The following EPB41L4A variants were observed in gnomAD, a reference collection of about 807,000 sequenced individuals.
EPB41L4A encodes the protein erythrocyte membrane protein band 4.1 like 4A.
Under a neutral mutation model 108.6 loss-of-function variants are expected in EPB41L4A, and 100 were observed. The observed-to-expected ratio is 0.92, with a 90% CI of 0.78 to 1.09. EPB41L4A has a LOEUF of 1.09. Among genes scored for constraint, EPB41L4A ranks in the 50% least tolerant of loss-of-function variants. The pLI is 0.00. For synonymous variants in EPB41L4A, 319 were observed against 289.0 expected (o/e 1.10, Z -1.05); for missense variants, 1,030 against 842.7 (o/e 1.22, Z -2.75).
chr5:112,285,886 T>C lies in EPB41L4A; in HGVS notation c.205-5563A>G, dbSNP rs116671306. 5.8e-3 allele frequency among the ~76,000 whole-genome samples: 885 copies of C among 152,310 alleles called. 2 individuals are homozygous for C. Among genetic ancestry groups the C allele is most frequent in the Middle Eastern group, 0.014 (4 of 294 alleles). On this transcript the variant is annotated intron_variant, in intron 2 of 22. Coordinates refer to ENST00000261486, the MANE Select transcript of EPB41L4A (RefSeq NM_022140.5). ...CTCTTAATAACTCTAGGAAGAACTA[T>C]TATAATTACCATTTTATAAATGAGG...
intron 18 of EPB41L4A, among the ~76,000 whole-genome samples, chr5:112,174,441 A>T (rs534423458): frequency 6.6e-6 from 1 of 152,358 alleles, no homozygotes; most frequent in South Asian, 2.1e-4. Flanking sequence ...TACGACATAT[A>T]TAGAAAATAA....
chr5:112,167,123 CAAAAAAA>C (rs10642511), intron 22 of EPB41L4A, among the ~76,000 whole-genome samples: 10 of 110,576 alleles, frequency 9.0e-5, no homozygotes, highest in African/African-American at 3.4e-4. Context: ...AAATTTAAGA[CAAAAAAA>C]AAAAAAAAAA....
chr5:112,150,193 C>T (rs1759412558), intron 12 of EPB41L4A, among the ~76,000 whole-genome samples: 1 of 151,940 alleles, frequency 6.6e-6, no homozygotes, highest in African/African-American at 2.4e-5. Flanking sequence ...AAGTACTCAG[C>T]AAAAACAAAC....
intron 1 of EPB41L4A, among the ~76,000 whole-genome samples, chr5:112,353,726 G>A (rs1758197919): frequency 6.6e-6 from 1 of 152,300 alleles, no homozygotes; most frequent in East Asian, 1.9e-4. Context: ...TATAGGCTGT[G>A]GTGGGTGGAG....
At chr5:112,316,428 G>A (rs993348371) in intron 1 of EPB41L4A, among the ~76,000 whole-genome samples, 6 of 152,002 alleles carry the variant, frequency 3.9e-5, no homozygotes, top group Admixed American at 6.6e-5. Context: ...AGGCCATTAC[G>A]ATAAGGCAAA....
rs139515955 is a variant in EPB41L4A at position 112,324,844 on chromosome 5, T to G, written c.100-17354A>C. ...CAAAAGAGTAAATAATAATAAAGTA[T>G]AATAAACAGTAAATTAAAAACAAAT... On this transcript the variant is annotated intron_variant, in intron 1 of 22. Transcript: ENST00000261486. 2.3e-4 allele frequency among the ~76,000 whole-genome samples: 35 copies of G among 151,264 alleles called. No homozygotes were observed. In the East Asian group the frequency reaches 5.4e-3, roughly 23 times the overall value.
chr5:112,321,906 G>A (rs1755807577), intron 1 of EPB41L4A, among the ~76,000 whole-genome samples: 1 of 152,118 alleles, frequency 6.6e-6, no homozygotes, highest in Admixed American at 6.5e-5. Flanking sequence ...CTTTAAACCT[G>A]TGTAATTTTT....
At chr5:112,344,301 T>C (rs1386501911) in intron 1 of EPB41L4A, among the ~76,000 whole-genome samples, 1 of 152,210 alleles carries the variant, frequency 6.6e-6, no homozygotes, top group Non-Finnish European at 1.5e-5. Flanking sequence ...TCAAGTCCTG[T>C]CCTTACAGAA....
intron 1 of EPB41L4A, among the ~76,000 whole-genome samples, chr5:112,379,100 G>C (rs927202497): frequency 2.6e-5 from 4 of 152,094 alleles, no homozygotes; most frequent in Non-Finnish European, 5.9e-5. Context: ...TTCTCTCAGT[G>C]GATACTCATT....
rs55812441 is a variant in EPB41L4A, at chr5:112,163,573, A to T, written c.*1417T>A. ...TATTAAAGAAGCAAAAGAATGTCCT[A>T]AAAATTCTCCCTGGGATTAAGTAAC... On this transcript the variant is annotated 3_prime_UTR_variant, in exon 23 of 23. Transcript: ENST00000261486. The T allele has an allele frequency of 0.15, 22,629 of 152,190 alleles. 1,937 individuals carry two copies. The highest frequency in any genetic ancestry group is 0.2 in the Non-Finnish European group (13,792 of 67,990). The allele number at this position is 152,190 out of a possible 1,614,324, so 9.4% of individuals were successfully genotyped here.
rs1197312471 is a variant in EPB41L4A at position 112,169,021 on chromosome 5, C to G, written c.1824G>C (p.Gly608=). The G allele has an allele frequency of 3.1e-6, 5 of 1,613,782 alleles. No individual in the cohort carries two copies. Among genetic ancestry groups the G allele is most frequent in the Non-Finnish European group, 4.2e-6 (5 of 1,179,828 alleles). ...TCACTTCCGAGAGAACTGATCGCTC[C>G]CCATCTGAACACTGGGACCTGCGAT... ...RQYRRSQCSD[G]ERSVLSEVNS... Residue 608 remains glycine (G), a synonymous_variant, in exon 21 of 23, where the codon GGG becomes GGC. Transcript: ENST00000261486.
Position 112,192,625 on chromosome 5 carries a change from G to A in EPB41L4A, c.1502+1943C>T, listed in dbSNP as rs527488284. On this transcript the variant is annotated intron_variant, in intron 17 of 22. Transcript: ENST00000261486. Reference sequence around the variant, plus strand: ...ATCTAATCTGTCCAGGAAAAAGGGGGAAGAAACTCTTAAGGGAGAAAATAC... The same window carrying A: ...ATCTAATCTGTCCAGGAAAAAGGGGAAAGAAACTCTTAAGGGAGAAAATAC... Among the ~76,000 whole-genome samples, 8 of 152,252 alleles carry A rather than the reference G, an allele frequency of 5.3e-5. No individual in the cohort carries two copies. In the East Asian group the frequency reaches 1.5e-3, roughly 29 times the overall value.
chr5:112,155,522 C>T (rs531139887), intron 12 of EPB41L4A, among the ~76,000 whole-genome samples: 1 of 152,258 alleles, frequency 6.6e-6, no homozygotes, highest in Non-Finnish European at 1.5e-5. Flanking sequence ...AGAGGCATTA[C>T]TGTATCATCC....
chr5:112,147,466 C>T (rs981357350), intron 12 of EPB41L4A, among the ~76,000 whole-genome samples: 2 of 151,620 alleles, frequency 1.3e-5, no homozygotes, highest in Non-Finnish European at 2.9e-5. Flanking sequence ...ATAGTGAAAC[C>T]CCTTCTCTAC....
exon 14 of EPB41L4A, chr5:112,143,870 C>G (rs115263273): frequency 2.2e-6 from 1 of 455,814 alleles, no homozygotes; most frequent in Non-Finnish European, 4.4e-6. Flanking sequence ...AGGGAGAAAG[C>G]AGAGTCTGCA....
intron 12 of EPB41L4A, among the ~76,000 whole-genome samples, chr5:112,231,979 G>A (rs7729283): frequency 0.21 from 31,704 of 151,604 alleles, 3,877 homozygotes; most frequent in African/African-American, 0.33. Flanking sequence ...GCCGGGCGTG[G>A]TGGCGTATGC....
At chr5:112,320,490 T>G (rs1755703641) in intron 1 of EPB41L4A, among the ~76,000 whole-genome samples, 1 of 152,208 alleles carries the variant, frequency 6.6e-6, no homozygotes, top group Non-Finnish European at 1.5e-5. Flanking sequence ...TACAAAAGGG[T>G]AATTCTTTAA....
At chr5:112,398,191 T>C (rs1473002565) in intron 1 of EPB41L4A, among the ~76,000 whole-genome samples, 2 of 152,198 alleles carry the variant, frequency 1.3e-5, no homozygotes, top group African/African-American at 2.4e-5. Context: ...TGTGTAACAA[T>C]AATCATTCAA....
At chr5:112,372,015 C>T (rs1448807518) in intron 1 of EPB41L4A, among the ~76,000 whole-genome samples, 2 of 152,078 alleles carry the variant, frequency 1.3e-5, no homozygotes, top group South Asian at 4.2e-4. Flanking sequence ...CAAAGCAAGA[C>T]CCTACTTCTG....
Sources: allele counts gnomAD v4.1 joint callset (sites outside exome capture counted in the v4.1 genomes callset), GRCh38; gene constraint gnomAD v4.1.1; transcripts MANE v1.5; gene names NCBI Gene and HGNC (gene_info 2026-07-23, HGNC 2026-07-21).